The following USP45 variants were observed in gnomAD, a reference collection of about 807,000 sequenced individuals.
USP45 encodes the protein ubiquitin specific peptidase 45.
USP45 carries 89 observed loss-of-function variants against 95.8 expected under a neutral mutation model. The observed-to-expected ratio is 0.93, with a 90% confidence interval of 0.78 to 1.11. The LOEUF is 1.11. Ranked by LOEUF, USP45 falls within the 50% of genes least tolerant of loss-of-function variation. USP45 has a pLI of 0.00. For synonymous variants in USP45, 281 were observed against 316.2 expected (o/e 0.89, Z 1.18); for missense variants, 898 against 942.5 (o/e 0.95, Z 0.62).
chr6:99,483,384 C>T (rs1207416450), intron 7 of USP45, among the ~76,000 whole-genome samples: 2 of 152,082 alleles, frequency 1.3e-5, no homozygotes, highest in Non-Finnish European at 2.9e-5. Context: ...TAAAGCTTGA[C>T]AAAAGCAGCT....
At chr6:99,440,785 C>T (rs1781376573) in intron 15 of USP45, among the ~76,000 whole-genome samples, 2 of 152,068 alleles carry the variant, frequency 1.3e-5, no homozygotes, top group South Asian at 4.1e-4. Context: ...ATTATGACAT[C>T]ATATCCCAGG....
At chr6:99,502,022 C>A (rs1797486098) in intron 5 of USP45, 2 of 1,294,626 alleles carry the variant, frequency 1.5e-6, no homozygotes, top group Non-Finnish European at 2.0e-6. Context: ...GCCAGAAAGA[C>A]CAACCATGTG....
At chr6:99,456,337 A>G (rs1035287454) in intron 13 of USP45, among the ~76,000 whole-genome samples, 3 of 152,008 alleles carry the variant, frequency 2.0e-5, no homozygotes, top group Non-Finnish European at 2.9e-5. Flanking sequence ...CATAGATTAC[A>G]TATTTCAAGG....
At chr6:99,493,571 C>A (rs1457085203) in intron 5 of USP45, among the ~76,000 whole-genome samples, 1 of 152,196 alleles carries the variant, frequency 6.6e-6, no homozygotes, top group African/African-American at 2.4e-5. Context: ...AATCTCGGCT[C>A]ACTGCAACCT....
At chr6:99,506,498 G>A (rs774266780) in intron 4 of USP45, among the ~76,000 whole-genome samples, 3 of 152,074 alleles carry the variant, frequency 2.0e-5, no homozygotes, top group South Asian at 2.1e-4. Context: ...TCGTAGAGAC[G>A]GGGTTTCACC....
chr6:99,515,345 GGCGACCATACCGCCGCT>G (rs1249264050), intron 1 of USP45, 30 bp downstream of exon 1: 3 of 152,240 alleles, frequency 2.0e-5, no homozygotes, highest in East Asian at 1.9e-4. Context: ...GAGAAACTGC[GGCGACCATACCGCCGCT>G]GCGACCAAAG....
chr6:99,483,030 A>T, intron 7 of USP45, 147 bp from the exon 8 acceptor site: 1 of 656,274 alleles, frequency 1.5e-6, no homozygotes, highest in Non-Finnish European at 2.2e-6. Context: ...AATAAAATAT[A>T]TAAAAATGGA....
chr6:99,451,674 A>G (rs1783874375), intron 13 of USP45, among the ~76,000 whole-genome samples: 1 of 152,220 alleles, frequency 6.6e-6, no homozygotes, highest in African/African-American at 2.4e-5. Flanking sequence ...GAATTGGAAA[A>G]AACTACTTTA....
intron 5 of USP45, among the ~76,000 whole-genome samples, chr6:99,500,087 A>T (rs1026432085): frequency 3.9e-5 from 6 of 152,184 alleles, no homozygotes; most frequent in African/African-American, 1.4e-4. Context: ...GACAGAGTCA[A>T]ATCTGAACAC....
chr6:99,475,337 T>A (rs866576437), intron 9 of USP45, among the ~76,000 whole-genome samples: 2 of 97,150 alleles, frequency 2.1e-5, no homozygotes, highest in African/African-American at 3.8e-5. Context: ...TTTTTTTTTT[T>A]ACAGCGTTTC....
chr6:99,497,123 T>A (rs924112742), intron 5 of USP45, among the ~76,000 whole-genome samples: 4 of 152,194 alleles, frequency 2.6e-5, no homozygotes, highest in Admixed American at 6.6e-5. Flanking sequence ...CCACTGATTT[T>A]TTTTTTACTG....
In USP45 at chr6:99,432,866, A is replaced by G. The variant is rs1001680073; in HGVS notation, c.*2850T>C. On this transcript the variant is annotated 3_prime_UTR_variant, in exon 18 of 18. Transcript: ENST00000500704. The stretch of plus-strand genomic sequence containing the variant: ...TCAGAAAATTTTCTTCAGCTATTGC[A>G]TAAAATCACTGATTAAAATCATCAC... 6.5e-6 allele frequency: 1 copy of G among 152,698 alleles called. No homozygotes were observed. Among genetic ancestry groups the G allele is most frequent in the East Asian group, 1.9e-4 (1 of 5,204 alleles). 9.5% of individuals were successfully genotyped at this position (152,698 alleles called of 1,614,324 possible). A position where few individuals can be genotyped will look rare whatever the true frequency, so the allele number is the denominator to read the frequency against.
At chr6:99,513,652 C>T (rs1393691061) in intron 1 of USP45, among the ~76,000 whole-genome samples, 2 of 152,176 alleles carry the variant, frequency 1.3e-5, no homozygotes, top group Non-Finnish European at 2.9e-5. Context: ...ATACTGTAAG[C>T]AACCTGTGCC....
At chr6:99,494,727 C>T (rs9402840) in intron 5 of USP45, among the ~76,000 whole-genome samples, 129,615 of 151,928 alleles carry the variant, frequency 0.85, 56,002 homozygotes, top group East Asian at 1. Flanking sequence ...AACCTCGTCT[C>T]TACTAAAAAT....
At chr6:99,488,132 GAA>G (rs1269189020) in intron 7 of USP45, 66 bp downstream of exon 7, 3 of 1,065,148 alleles carry the variant, frequency 2.8e-6, no homozygotes, top group Admixed American at 2.0e-5. Flanking sequence ...TGCGAATTAG[GAA>G]AAGAGATTTT....
chr6:99,435,825 T>TC lies in USP45; in HGVS notation c.2335dup (p.Glu779GlyfsTer10). On this transcript the variant is annotated frameshift_variant, in exon 18 of 18. Transcript: ENST00000500704. LOFTEE classifies it high-confidence loss of function. ...AACATGGACCCACTGGCCTGCTGAT[T>TC]CATTATCAGCCGCTTTCAAACCTAG... The TC allele has an allele frequency of 6.2e-7, 1 of 1,612,352 alleles. No individual in the cohort carries two copies. Among genetic ancestry groups the TC allele is most frequent in the South Asian group, 1.1e-5 (1 of 90,568 alleles).
intron 13 of USP45, among the ~76,000 whole-genome samples, chr6:99,450,246 C>G (rs904051013): frequency 6.6e-6 from 1 of 151,986 alleles, no homozygotes; most frequent in African/African-American, 2.4e-5. Context: ...AATCCAGGAG[C>G]TGGTTTTTTG....
Position 99,466,734 on chromosome 6 carries a change from A to T in USP45, c.1045T>A (p.Phe349Ile), listed in dbSNP as rs986822714. Residue 349 changes from phenylalanine (F) to isoleucine (I), a missense_variant, in exon 11 of 18, where the codon TTC becomes ATC. By Grantham distance (21) the Phe-to-Ile change is conservative (BLOSUM62 0). Coordinates refer to ENST00000500704, the MANE Select transcript of USP45 (RefSeq NM_001346022.3). ...TCACCAATAAAGATCCGATCTATGA[A>T]GTTCATTTTCACACCTTCTTTTCCA... is the stretch of plus-strand genomic sequence containing the variant. ...AYGKEGVKMN[F>I]IDRIFIGELT... The T allele has an allele frequency of 6.8e-6, 11 of 1,613,342 alleles. No individual in the cohort carries two copies. The highest frequency in any genetic ancestry group is 8.5e-6 in the Non-Finnish European group (10 of 1,179,690).
chr6:99,453,951 G>C (rs1385332172), intron 13 of USP45, among the ~76,000 whole-genome samples: 3 of 152,036 alleles, frequency 2.0e-5, no homozygotes, highest in Admixed American at 2.0e-4. Flanking sequence ...TTGGCAACAA[G>C]AGTGAAACTC....
Sources: gnomAD v4.1 joint callset for allele counts (sites outside exome capture counted in the v4.1 genomes callset) on GRCh38, gnomAD v4.1.1 for gene constraint, MANE v1.5 for transcripts, NCBI Gene and HGNC (gene_info 2026-07-23, HGNC 2026-07-21) for gene names.